PCBD2: variants seen among roughly 807,000 people sequenced by gnomAD.
The protein encoded by PCBD2 is pterin-4 alpha-carbinolamine dehydratase 2, also known as pterin-4-alpha-carbinolamine dehydratase 2.
A neutral mutation model predicts 16.4 loss-of-function variants in PCBD2; 12 were observed. The observed-to-expected ratio is 0.73, with a 90% CI of 0.47 to 1.19. The LOEUF (loss-of-function observed/expected upper bound fraction) is 1.19. Ranked by LOEUF, PCBD2 falls within the 50% of genes most tolerant of loss-of-function variation. PCBD2 has a pLI of 0.00. For synonymous variants in PCBD2, 58 were observed against 61.8 expected, an observed-to-expected ratio of 0.94 and a Z score of 0.29; for missense variants, 138 against 156.8, an observed-to-expected ratio of 0.88 and a Z score of 0.64.
chr5:134,922,843 T>G (rs1396612709), intron 2 of PCBD2, among the ~76,000 whole-genome samples: 1 of 151,952 alleles, frequency 6.6e-6, no homozygotes, highest in Non-Finnish European at 1.5e-5. Flanking sequence ...TTTGTATTTA[T>G]TTATTTATTT....
intron 2 of PCBD2, among the ~76,000 whole-genome samples, chr5:134,945,810 ACCT>A (rs973505579): frequency 2.6e-5 from 4 of 152,142 alleles, no homozygotes; most frequent in African/African-American, 9.7e-5. Flanking sequence ...TTTTTGTGAG[ACCT>A]CCTCACACCC....
intron 2 of PCBD2, among the ~76,000 whole-genome samples, chr5:134,940,983 C>T (rs186937301): frequency 5.9e-5 from 9 of 152,082 alleles, no homozygotes; most frequent in South Asian, 4.2e-4. Context: ...AGCGTGGTGG[C>T]GCATGCCTGT....
chr5:134,956,241 C>T (rs1259663530), intron 2 of PCBD2, among the ~76,000 whole-genome samples: 2 of 145,150 alleles, frequency 1.4e-5, no homozygotes, highest in Admixed American at 7.0e-5. Flanking sequence ...GGGAAATATG[C>T]AAAGCTGAGA....
At chr5:134,943,263 C>T (rs1346229455) in intron 2 of PCBD2, among the ~76,000 whole-genome samples, 5 of 152,192 alleles carry the variant, frequency 3.3e-5, no homozygotes, top group African/African-American at 9.7e-5. Flanking sequence ...GTGACCGAAG[C>T]ACTTGTGACT....
chr5:134,926,441 T>C (rs1580884020), intron 2 of PCBD2: 2 of 392,798 alleles, frequency 5.1e-6, no homozygotes, highest in Non-Finnish European at 4.5e-6. Context: ...AGGGTGGGTA[T>C]AGTAGCGTAC....
intron 2 of PCBD2, among the ~76,000 whole-genome samples, chr5:134,951,977 T>A (rs1262054032): frequency 6.6e-6 from 1 of 152,044 alleles, no homozygotes; most frequent in Non-Finnish European, 1.5e-5. Flanking sequence ...CAGAAAAAAA[T>A]TTTTCGTGTA....
chr5:134,960,054 A>G (rs1310605024), intron 3 of PCBD2, among the ~76,000 whole-genome samples: 1 of 151,496 alleles, frequency 6.6e-6, no homozygotes. Context: ...TAACTTTTAT[A>G]TTTTTAGTAG....
chr5:134,935,085 A>G (rs556046810), intron 2 of PCBD2, among the ~76,000 whole-genome samples: 1 of 152,322 alleles, frequency 6.6e-6, no homozygotes, highest in East Asian at 1.9e-4. Context: ...TCGGAAACCA[A>G]CCCATTTGTG....
intron 2 of PCBD2, among the ~76,000 whole-genome samples, chr5:134,954,178 C>T (rs79880120): frequency 0.019 from 2,872 of 152,248 alleles, 78 homozygotes; most frequent in African/African-American, 0.06. Context: ...CCAAGCTGGT[C>T]TTGAGCTTCT....
intron 2 of PCBD2, among the ~76,000 whole-genome samples, chr5:134,920,603 T>A (rs1013014052): frequency 1.3e-5 from 2 of 152,016 alleles, no homozygotes; most frequent in Non-Finnish European, 2.9e-5. Flanking sequence ...AAACAGCAAA[T>A]GCTGCTAATG....
chr5:134,914,213 A>G (rs1750800853), intron 2 of PCBD2, among the ~76,000 whole-genome samples: 1 of 152,108 alleles, frequency 6.6e-6, no homozygotes, highest in African/African-American at 2.4e-5. Flanking sequence ...TCATCCTGGG[A>G]AAAAGAGGGC....
At chr5:134,939,568 G>T (rs1046085119) in intron 2 of PCBD2, among the ~76,000 whole-genome samples, 35 of 152,126 alleles carry the variant, frequency 2.3e-4, no homozygotes, top group Non-Finnish European at 7.3e-5. Context: ...ACCATGTACA[G>T]ACAACCTCCA....
chr5:134,937,546 A>G (rs1374728009), intron 2 of PCBD2, among the ~76,000 whole-genome samples: 1 of 152,250 alleles, frequency 6.6e-6, no homozygotes, highest in Non-Finnish European at 1.5e-5. Flanking sequence ...TGCCAAAAGC[A>G]CATCAGACTC....
At chr5:134,951,983 G>T (rs752419534) in intron 2 of PCBD2, among the ~76,000 whole-genome samples, 44 of 151,872 alleles carry the variant, frequency 2.9e-4, no homozygotes, top group Non-Finnish European at 1.3e-4. Context: ...AAAATTTTTC[G>T]TGTAGTAAGA....
chr5:134,920,611 A>T (rs1204805240), intron 2 of PCBD2, among the ~76,000 whole-genome samples: 2 of 151,878 alleles, frequency 1.3e-5, no homozygotes, highest in African/African-American at 4.8e-5. Context: ...AATGCTGCTA[A>T]TGACTCTGTT....
chr5:134,910,401 G>C lies in PCBD2; in HGVS notation c.151G>C (p.Gly51Arg). Residue 51 changes from glycine to arginine, a missense_variant, in exon 2 of 4, where the codon GGA becomes CGA. Physicochemically the swap from Gly to Arg is moderately radical, Grantham distance 125. Transcript: ENST00000254908. ...NQAILDLKAAGWSELSERDAI... is the reference protein window; with the variant it reads ...NQAILDLKAARWSELSERDAI... Reference sequence around the variant, plus strand: ...AGCTATACTTGACCTTAAAGCAGCAGGATGGTCGGAATTAAGTGAGAGAGA... The same window carrying C: ...AGCTATACTTGACCTTAAAGCAGCACGATGGTCGGAATTAAGTGAGAGAGA... 1 of 1,614,072 alleles carries C rather than the reference G, an allele frequency of 6.2e-7. No homozygotes were observed. Among genetic ancestry groups the C allele is most frequent in the Non-Finnish European group, 8.5e-7 (1 of 1,179,916 alleles).
At chr5:134,913,263 A>G (rs1394782297) in intron 2 of PCBD2, among the ~76,000 whole-genome samples, 2 of 152,204 alleles carry the variant, frequency 1.3e-5, no homozygotes, top group Non-Finnish European at 2.9e-5. Context: ...GAGTACCCTG[A>G]AGAATAAAGT....
intron 3 of PCBD2, among the ~76,000 whole-genome samples, chr5:134,959,880 G>C (rs1051960088): frequency 6.6e-5 from 9 of 135,530 alleles, no homozygotes; most frequent in African/African-American, 2.5e-4. Context: ...ATTTAGAAAT[G>C]TGCTTTTTTT....
rs2149533985 is a variant in PCBD2, at chr5:134,927,081, T to A, written c.216+16615T>A. 5 of 398,588 alleles carry A rather than the reference T, an allele frequency of 1.3e-5. No homozygotes were observed. In the East Asian group the frequency reaches 1.8e-4, roughly 14 times the overall value. 24.7% of individuals were successfully genotyped at this position (398,588 alleles called of 1,614,324 possible). A position where few individuals can be genotyped will look rare whatever the true frequency, so the allele number is the denominator to read the frequency against. On this transcript the variant is annotated intron_variant, in intron 2 of 3. Coordinates refer to ENST00000254908, the MANE Select transcript of PCBD2 (RefSeq NM_032151.5). ...GAATAGTAATGAGGATGTAAGTCCG[T>A]GGGCGACTATGAGAATGACTGCGCC...
Sources: allele counts gnomAD v4.1 joint callset (sites outside exome capture counted in the v4.1 genomes callset), GRCh38; gene constraint gnomAD v4.1.1; transcripts MANE v1.5; gene names NCBI Gene and HGNC (gene_info 2026-07-23, HGNC 2026-07-21).